STPG2: variants seen among roughly 807,000 people sequenced by gnomAD.
STPG2 encodes sperm tail PG-rich repeat containing 2.
Under a neutral mutation model 54.2 loss-of-function variants are expected in STPG2, and 56 were observed. The ratio of observed to expected loss-of-function variants is 1.03; its 90% CI spans 0.83 to 1.29. The LOEUF is 1.29. STPG2 is among the 50% of genes most tolerant of loss of function. STPG2 has a pLI of 0.00. For missense variants in STPG2, 596 were observed against 544.9 expected (o/e 1.09, Z -0.93); for synonymous variants, 200 against 181.8 (o/e 1.10, Z -0.81).
intron 10 of STPG2, among the ~76,000 whole-genome samples, chr4:97,671,387 G>A (rs746463971): frequency 1.6e-4 from 24 of 152,256 alleles, no homozygotes; most frequent in Admixed American, 3.3e-4. Flanking sequence ...ACATATGTAG[G>A]CCTCGTATTT....
chr4:97,442,237 T>A (rs1280419130), intron 4 of STPG2, among the ~76,000 whole-genome samples: 7 of 151,848 alleles, frequency 4.6e-5, no homozygotes, highest in Non-Finnish European at 1.5e-5. Flanking sequence ...GTTTTTTTTT[T>A]ATTCAGATGG....
chr4:97,755,717 C>T (rs532189207), intron 9 of STPG2, among the ~76,000 whole-genome samples: 56 of 152,258 alleles, frequency 3.7e-4, no homozygotes, highest in African/African-American at 1.0e-3. Context: ...TCCCTGAATA[C>T]GCTACAGACT....
intron 10 of STPG2, among the ~76,000 whole-genome samples, chr4:97,595,301 G>A (rs2148901474): frequency 6.6e-6 from 1 of 152,190 alleles, no homozygotes; most frequent in South Asian, 2.1e-4. Flanking sequence ...TCCTTTGTAG[G>A]GACATGGATG....
chr4:97,562,636 G>C (rs1255966717), intron 10 of STPG2, among the ~76,000 whole-genome samples: 2 of 152,162 alleles, frequency 1.3e-5, no homozygotes, highest in Non-Finnish European at 1.5e-5. Context: ...AATTTCTTGA[G>C]AGTTTTTAGC....
At chr4:97,462,626 T>C (rs1158179481) in intron 4 of STPG2, among the ~76,000 whole-genome samples, 1 of 152,036 alleles carries the variant, frequency 6.6e-6, no homozygotes, top group Non-Finnish European at 1.5e-5. Context: ...GCATCTTTTG[T>C]TAGTTCTTTT....
At chr4:98,113,814 CA>C (rs1739429418) in intron 3 of STPG2, among the ~76,000 whole-genome samples, 1 of 151,922 alleles carries the variant, frequency 6.6e-6, no homozygotes, top group African/African-American at 2.4e-5. Context: ...ATCTCTGCAA[CA>C]CATAGGGTAT....
chr4:97,792,057 A>G (rs1337344100), intron 9 of STPG2, among the ~76,000 whole-genome samples: 1 of 152,212 alleles, frequency 6.6e-6, no homozygotes, highest in Non-Finnish European at 1.5e-5. Flanking sequence ...TAAAGTGTAA[A>G]AATGGAAGTG....
chr4:98,017,580 T>C (rs1187904000), intron 5 of STPG2, among the ~76,000 whole-genome samples: 4 of 152,216 alleles, frequency 2.6e-5, no homozygotes, highest in African/African-American at 9.7e-5. Context: ...CATCTTTTCT[T>C]ATTTATGTGC....
intron 4 of STPG2, among the ~76,000 whole-genome samples, chr4:97,500,786 G>T (rs1157568427): frequency 2.0e-5 from 3 of 152,018 alleles, no homozygotes; most frequent in Non-Finnish European, 1.5e-5. Context: ...TAGCCACACG[G>T]TGATTACTGT....
At chr4:97,495,731 G>C (rs1357995862) in intron 4 of STPG2, among the ~76,000 whole-genome samples, 1 of 139,066 alleles carries the variant, frequency 7.2e-6, no homozygotes, top group South Asian at 2.2e-4. Flanking sequence ...AAAAAACACA[G>C]AACTACAAAG....
chr4:97,982,121 T>A (rs186890162), intron 5 of STPG2, among the ~76,000 whole-genome samples: 2 of 152,156 alleles, frequency 1.3e-5, no homozygotes, highest in East Asian at 3.9e-4. Flanking sequence ...CCTGACCTTG[T>A]GATTTGCCCG....
intron 5 of STPG2, among the ~76,000 whole-genome samples, chr4:98,076,552 G>A (rs887574013): frequency 1.3e-5 from 2 of 152,198 alleles, no homozygotes; most frequent in East Asian, 3.9e-4. Context: ...GTTGAGATTG[G>A]TCATGTGTGA....
At chr4:97,585,878 A>T (rs1011498702) in intron 10 of STPG2, among the ~76,000 whole-genome samples, 3 of 151,716 alleles carry the variant, frequency 2.0e-5, no homozygotes, top group Middle Eastern at 3.4e-3. Flanking sequence ...CTGCTAAAAT[A>T]AAAAAAAATT....
chr4:97,518,638 G>T (rs557573385), intron 4 of STPG2, among the ~76,000 whole-genome samples: 1 of 152,092 alleles, frequency 6.6e-6, no homozygotes, highest in East Asian at 1.9e-4. Flanking sequence ...TGGTAAATAC[G>T]ATCCATTCAG....
intron 10 of STPG2, among the ~76,000 whole-genome samples, chr4:97,630,397 G>A (rs1721236650): frequency 6.6e-6 from 1 of 151,746 alleles, no homozygotes; most frequent in African/African-American, 2.4e-5. Flanking sequence ...TACATACAAT[G>A]TAGCAAAGAT....
At chr4:97,905,085 A>C (rs1254340921) in intron 8 of STPG2, among the ~76,000 whole-genome samples, 2 of 151,988 alleles carry the variant, frequency 1.3e-5, no homozygotes, top group Non-Finnish European at 2.9e-5. Context: ...GCCAACATTC[A>C]GATTCAGGAA....
intron 4 of STPG2, among the ~76,000 whole-genome samples, chr4:97,496,218 C>T (rs959450808): frequency 1.3e-5 from 2 of 151,378 alleles, no homozygotes; most frequent in Non-Finnish European, 3.0e-5. Context: ...AAGAATATAC[C>T]GTAAAGAGAA....
At chr4:97,897,923 G>C (rs1424457438) in intron 8 of STPG2, among the ~76,000 whole-genome samples, 1 of 151,438 alleles carries the variant, frequency 6.6e-6, no homozygotes, top group East Asian at 1.9e-4. Context: ...GATCCCTCTT[G>C]TCAATTTTTG....
intron 7 of STPG2, among the ~76,000 whole-genome samples, chr4:97,971,897 A>G (rs1734339738): frequency 1.3e-5 from 2 of 152,246 alleles, no homozygotes; most frequent in South Asian, 4.1e-4. Context: ...TTCCATTTTA[A>G]AACCAATTGT....
Sources: gnomAD v4.1 joint callset for allele counts (sites outside exome capture counted in the v4.1 genomes callset) on GRCh38, gnomAD v4.1.1 for gene constraint, MANE v1.5 for transcripts, NCBI Gene and HGNC (gene_info 2026-07-23, HGNC 2026-07-21) for gene names.